Variants in CASP9 observed in about 807,000 individuals in gnomAD.
CASP9 encodes the protein caspase 9, also known as caspase-9.
CASP9 carries 29 observed loss-of-function variants against 43.5 expected under a neutral mutation model. That is an observed-to-expected ratio of 0.67 (90% CI 0.50 to 0.91). The LOEUF (loss-of-function observed/expected upper bound fraction) is 0.91, where lower values mean the gene tolerates loss of function less well. Among genes scored for constraint, CASP9 ranks in the 40% least tolerant of loss-of-function variants. The probability of loss-of-function intolerance (pLI) is 0.00; values close to 1 mark genes in which losing one functional copy is unlikely to be tolerated. For missense variants in CASP9, 575 were observed against 537.4 expected, an observed-to-expected ratio of 1.07 and a Z score of -0.69; for synonymous variants, 206 against 211.9, an observed-to-expected ratio of 0.97 and a Z score of 0.24.
At chr1:15,508,819 T>C (rs765038704) in intron 2 of CASP9, among the ~76,000 whole-genome samples, 6 of 152,304 alleles carry the variant, frequency 3.9e-5, no homozygotes, top group Non-Finnish European at 8.8e-5. Flanking sequence ...GCTGTGCCAA[T>C]AGAAAAGGGC....
At chr1:15,517,548 G>T (rs1709998655) in intron 2 of CASP9, among the ~76,000 whole-genome samples, 1 of 152,122 alleles carries the variant, frequency 6.6e-6, no homozygotes, top group Non-Finnish European at 1.5e-5. Context: ...TTACTCTTGG[G>T]ATTTATGCAT....
chr1:15,519,371 G>C (rs4646005), intron 1 of CASP9, among the ~76,000 whole-genome samples: 88,388 of 151,220 alleles, frequency 0.58, 26,436 homozygotes, highest in African/African-American at 0.7. Context: ...GGTTAAGACA[G>C]GGTTTCACCA....
intron 6 of CASP9, 58 bp from the exon 7 acceptor site, chr1:15,495,510 C>T (rs1709074148): frequency 7.0e-7 from 1 of 1,429,656 alleles, no homozygotes; most frequent in African/African-American, 1.5e-5. Flanking sequence ...AAGGATGGTT[C>T]AACATATGAA....
rs1709069857 is a variant in CASP9, at chr1:15,495,414, G to A, written c.907C>T (p.Pro303Ser). Residue 303 changes from proline (P) to serine (S), a missense_variant, in exon 7 of 9, where the codon CCT becomes TCT. Coordinates refer to ENST00000333868, the MANE Select transcript of CASP9 (RefSeq NM_001229.5). The part of the protein sequence containing the change: ...DHGFEVASTS[P>S]EDESPGSNPE... ...TTACTGCCAGGGGACTCGTCTTCAG[G>A]GGAAGTGGAGGCCACCTCAAACCCA... 7 of 1,605,152 alleles carry A rather than the reference G, an allele frequency of 4.4e-6. No homozygotes were observed. The highest frequency in any genetic ancestry group is 4.5e-5 in the East Asian group (2 of 44,672).
At chr1:15,498,901 C>T (rs966863619) in intron 6 of CASP9, among the ~76,000 whole-genome samples, 2 of 152,066 alleles carry the variant, frequency 1.3e-5, no homozygotes, top group Admixed American at 6.5e-5. Flanking sequence ...CGTGTGCCAC[C>T]ACACCTGGCT....
intron 2 of CASP9, among the ~76,000 whole-genome samples, chr1:15,508,297 CTGA>C (rs1179921013): frequency 1.3e-5 from 2 of 152,226 alleles, no homozygotes; most frequent in African/African-American, 4.8e-5. Context: ...GAATGAGCTA[CTGA>C]TGATACAGGA....
In CASP9 at chr1:15,492,374, A is replaced by T. The variant is rs1412653174; in HGVS notation, c.*569T>A. ...TAGAATTCATAGATTACAGCTGTTC[A>T]GACTCTAGTAGGCCCCGGTTTGCTG... On this transcript the variant is annotated 3_prime_UTR_variant, in exon 9 of 9. Coordinates refer to ENST00000333868, the MANE Select transcript of CASP9 (RefSeq NM_001229.5). 6.6e-6 allele frequency: 1 copy of T among 152,374 alleles called. No individual in the cohort carries two copies. Among genetic ancestry groups the T allele is most frequent in the Non-Finnish European group, 1.5e-5 (1 of 68,154 alleles). The allele number at this position is 152,374 out of a possible 1,614,324, so 9.4% of individuals were successfully genotyped here.
At chr1:15,494,862 C>CAAAAAAAAAAAAA (rs563954013) in intron 7 of CASP9, among the ~76,000 whole-genome samples, 1 of 44,272 alleles carries the variant, frequency 2.3e-5, no homozygotes, top group African/African-American at 7.2e-5. Flanking sequence ...GATTCCATCT[C>CAAAAAAAAAAAAA]AAAAAAAAAA....
intron 2 of CASP9, among the ~76,000 whole-genome samples, chr1:15,517,260 G>A (rs1709986676): frequency 6.6e-6 from 1 of 152,064 alleles, no homozygotes; most frequent in African/African-American, 2.4e-5. Flanking sequence ...ATGAACTACC[G>A]ATATGTACAA....
At chr1:15,524,453 A>C (rs1570885859), upstream of CASP9, 248 of 812,626 alleles carry the variant, frequency 3.1e-4, no homozygotes, top group East Asian at 7.5e-4. Flanking sequence ...CAAGCCTCCC[A>C]TCACCGCGCC....
intron 4 of CASP9, among the ~76,000 whole-genome samples, chr1:15,506,465 C>G (rs559974142): frequency 1.3e-4 from 19 of 151,940 alleles, no homozygotes; most frequent in Middle Eastern, 6.8e-3. Context: ...CCCCGCCCCC[C>G]CCAAAAAATA....
At chr1:15,522,139 C>T (rs1265316239) in intron 1 of CASP9, among the ~76,000 whole-genome samples, 3 of 152,300 alleles carry the variant, frequency 2.0e-5, no homozygotes, top group Admixed American at 2.0e-4. Context: ...TTAGAACTTC[C>T]CAACTTTTTA....
chr1:15,494,079 G>A (rs1426396492), intron 7 of CASP9, 78 bp from the exon 8 acceptor site: 11 of 1,520,674 alleles, frequency 7.2e-6, no homozygotes, highest in East Asian at 4.9e-5. Flanking sequence ...GGCCATGCAC[G>A]CTGGCTCGGG....
At chr1:15,498,251 G>A (rs1246152484) in intron 6 of CASP9, among the ~76,000 whole-genome samples, 1 of 151,948 alleles carries the variant, frequency 6.6e-6, no homozygotes, top group Admixed American at 6.6e-5. Flanking sequence ...GTTAATTTTT[G>A]TATTTTTTGT....
chr1:15,519,706 G>C (rs1710103175), intron 1 of CASP9, among the ~76,000 whole-genome samples: 1 of 152,172 alleles, frequency 6.6e-6, no homozygotes, highest in African/African-American at 2.4e-5. Context: ...GACAGAGCAA[G>C]GGTCAAGGTT....
rs369782680 is a variant in CASP9 at position 15,492,940 on chromosome 1, G to A, written c.*3C>T. The A allele has an allele frequency of 2.2e-4, 352 of 1,613,424 alleles. No individual in the cohort carries two copies. The highest frequency in any genetic ancestry group is 2.7e-4 in the Non-Finnish European group (318 of 1,180,050). On this transcript the variant is annotated 3_prime_UTR_variant, in exon 9 of 9. Transcript: ENST00000333868. ...AGATAAGGCAGGGTGAGGGGCCCTG[G>A]CCTTATGATGTTTTAAAGAAAAGTT...
intron 7 of CASP9, among the ~76,000 whole-genome samples, chr1:15,494,679 C>T (rs1462812578): frequency 6.6e-6 from 1 of 151,346 alleles, no homozygotes; most frequent in South Asian, 2.1e-4. Context: ...GTGGCTAACA[C>T]GGTGAAACCC....
chr1:15,493,799 G>A (rs895208773), intron 8 of CASP9, 93 bp downstream of exon 8: 11 of 1,532,402 alleles, frequency 7.2e-6, no homozygotes, highest in Non-Finnish European at 7.9e-6. Flanking sequence ...CTTGGTTTGG[G>A]CCTGCCCTGC....
chr1:15,513,388 C>T (rs1350522636), intron 2 of CASP9, among the ~76,000 whole-genome samples: 3 of 152,114 alleles, frequency 2.0e-5, no homozygotes, highest in Non-Finnish European at 4.4e-5. Flanking sequence ...CCAGTCCTCC[C>T]GGGCAAGAGG....
Sources: gnomAD v4.1 joint callset for allele counts (sites outside exome capture counted in the v4.1 genomes callset) on GRCh38, gnomAD v4.1.1 for gene constraint, MANE v1.5 for transcripts, NCBI Gene and HGNC (gene_info 2026-07-23, HGNC 2026-07-21) for gene names.